ECHDC3: variants seen among roughly 807,000 people sequenced by gnomAD.
ECHDC3 encodes enoyl-CoA hydratase domain containing 3.
Under a neutral mutation model 17.9 loss-of-function variants are expected in ECHDC3, and 20 were observed. The observed-to-expected ratio is 1.12, with a 90% CI of 0.79 to 1.63. The LOEUF is 1.63. ECHDC3 is among the 40% of genes most tolerant of loss of function. The probability of loss-of-function intolerance (pLI) is 0.00; values close to 1 mark genes in which losing one functional copy is unlikely to be tolerated. For synonymous variants in ECHDC3, 177 were observed against 149.7 expected (o/e 1.18, Z -1.33); for missense variants, 407 against 357.7 (o/e 1.14, Z -1.11).
At chr10:11,749,362 C>T (rs1239723120) in intron 2 of ECHDC3, 133 bp from the exon 3 acceptor site, 16 of 750,064 alleles carry the variant, frequency 2.1e-5, no homozygotes, top group Non-Finnish European at 2.9e-5. Context: ...TTATTCTTCT[C>T]AAAATTAGGC....
At chr10:11,759,854 T>C (rs1832927855) in intron 4 of ECHDC3, among the ~76,000 whole-genome samples, 1 of 152,238 alleles carries the variant, frequency 6.6e-6, no homozygotes, top group Non-Finnish European at 1.5e-5. Context: ...AGGACTGTTA[T>C]TATACGAGCC....
At chr10:11,759,824 T>G (rs1044226659) in intron 4 of ECHDC3, among the ~76,000 whole-genome samples, 1 of 152,246 alleles carries the variant, frequency 6.6e-6, no homozygotes, top group African/African-American at 2.4e-5. Flanking sequence ...TTGCATTCAC[T>G]GGGTGCCTAC....
intron 3 of ECHDC3, among the ~76,000 whole-genome samples, chr10:11,752,745 A>G (rs1832840544): frequency 6.6e-6 from 1 of 152,144 alleles, no homozygotes; most frequent in African/African-American, 2.4e-5. Context: ...TATCATGTCC[A>G]TTTTACAGAT....
chr10:11,758,001 T>A (rs778904287), intron 4 of ECHDC3, among the ~76,000 whole-genome samples: 1 of 152,010 alleles, frequency 6.6e-6, no homozygotes, highest in Non-Finnish European at 1.5e-5. Flanking sequence ...GTGTCCCTCA[T>A]ACACCCACAG....
At chr10:11,745,093 A>G (rs1886385) in intron 1 of ECHDC3, among the ~76,000 whole-genome samples, 141,990 of 152,210 alleles carry the variant, frequency 0.93, 67,073 homozygotes, top group East Asian at 1. Flanking sequence ...GGGAGTGATC[A>G]AGATGGCCAG....
chr10:11,745,252 G>C (rs1832746806), intron 1 of ECHDC3, among the ~76,000 whole-genome samples: 1 of 152,196 alleles, frequency 6.6e-6, no homozygotes, highest in Non-Finnish European at 1.5e-5. Context: ...CAGGACACAT[G>C]AACAGATTCC....
At chr10:11,762,926 C>T (rs1005619752) in intron 4 of ECHDC3, among the ~76,000 whole-genome samples, 2 of 152,024 alleles carry the variant, frequency 1.3e-5, no homozygotes, top group African/African-American at 4.8e-5. Flanking sequence ...TGGCTGCCGT[C>T]CTGTGCTTGG....
At chr10:11,761,602 C>T (rs980680785) in intron 4 of ECHDC3, among the ~76,000 whole-genome samples, 1 of 152,270 alleles carries the variant, frequency 6.6e-6, no homozygotes, top group Non-Finnish European at 1.5e-5. Flanking sequence ...CATCTGAAGG[C>T]TGCTTGCTCA....
intron 4 of ECHDC3, 77 bp downstream of exon 4, chr10:11,755,685 A>G: frequency 7.4e-7 from 1 of 1,354,472 alleles, no homozygotes; most frequent in East Asian, 2.5e-5. Context: ...CGATGATTCA[A>G]GATCCGCTTG....
intron 3 of ECHDC3, among the ~76,000 whole-genome samples, chr10:11,751,255 G>T (rs779549022): frequency 8.5e-5 from 13 of 152,134 alleles, no homozygotes; most frequent in Non-Finnish European, 1.6e-4. Flanking sequence ...ATAGCCATGG[G>T]CCACAGGGGA....
At position 11,742,705 on chromosome 10, in the gene ECHDC3, G is replaced by A. The variant is rs898685781; in HGVS notation, c.129G>A (p.Ser43=). 1.6e-6 allele frequency: 2 copies of A among 1,239,670 alleles called. No homozygotes were observed. The highest frequency in any genetic ancestry group is 4.3e-5 in the Admixed American group (1 of 23,446). 76.8% of individuals were successfully genotyped at this position (1,239,670 alleles called of 1,614,324 possible). ...CGGCCGGGGCGGGGCGGCGGGAGTC[G>A]GAGCCGCGGCCCACCAGCGCGCGGC... The part of the protein sequence containing the change: ...RDPAGAGRRE[S]EPRPTSARQL... Residue 43 remains serine, a synonymous_variant, in exon 1 of 5, where the codon TCG becomes TCA. Transcript: ENST00000379215.
chr10:11,748,990 T>TA (rs1424935611), intron 2 of ECHDC3, among the ~76,000 whole-genome samples: 1 of 152,244 alleles, frequency 6.6e-6, no homozygotes, highest in East Asian at 1.9e-4. Flanking sequence ...AGCCACATCT[T>TA]ATGATCCCTC....
chr10:11,761,637 C>G (rs936340607), intron 4 of ECHDC3, among the ~76,000 whole-genome samples: 1 of 152,234 alleles, frequency 6.6e-6, no homozygotes, highest in Non-Finnish European at 1.5e-5. Flanking sequence ...AATGCTACCT[C>G]TCAGCTGGGC....
At chr10:11,762,742 A>G (rs1832968682) in intron 4 of ECHDC3, among the ~76,000 whole-genome samples, 1 of 152,176 alleles carries the variant, frequency 6.6e-6, no homozygotes, top group Non-Finnish European at 1.5e-5. Flanking sequence ...CATTGTCTGT[A>G]AATCCTTGCC....
chr10:11,754,878 C>T (rs967382679), intron 3 of ECHDC3, among the ~76,000 whole-genome samples: 3 of 152,212 alleles, frequency 2.0e-5, no homozygotes, highest in African/African-American at 7.2e-5. Flanking sequence ...CCCCATGGGG[C>T]TCTCAGAAAG....
chr10:11,749,746 GCAA>G, intron 3 of ECHDC3, among the ~76,000 whole-genome samples, 154 bp downstream of exon 3: 5 of 1,720 alleles, frequency 2.9e-3, no homozygotes, highest in Admixed American at 0.05. Flanking sequence ...CTTTATCCCA[GCAA>G]TCCAGCAATT....
intron 3 of ECHDC3, among the ~76,000 whole-genome samples, chr10:11,751,395 T>C (rs1310547044): frequency 1.3e-5 from 2 of 152,210 alleles, no homozygotes; most frequent in African/African-American, 4.8e-5. Flanking sequence ...GGACTGAAAG[T>C]GTATTGATAT....
intron 1 of ECHDC3, among the ~76,000 whole-genome samples, chr10:11,745,356 G>A (rs1291033948): frequency 6.6e-6 from 1 of 152,144 alleles, no homozygotes; most frequent in Non-Finnish European, 1.5e-5. Context: ...CGATGGGATG[G>A]CAGCTTTTTA....
Position 11,760,228 on chromosome 10 carries a change from G to A in ECHDC3, c.592-2996G>A, listed in dbSNP as rs953582782. 7.2e-5 allele frequency among the ~76,000 whole-genome samples: 11 copies of A among 152,194 alleles called. No homozygotes were observed. The South Asian group carries it at 8.3e-4, about 11-fold the overall frequency. ...ATTTGTACCCGAGCGTGCTGGCTGCGGAAGTGAGAGGTGAGAAATGGCTTG... is the reference window on the plus strand; with the variant it reads ...ATTTGTACCCGAGCGTGCTGGCTGCAGAAGTGAGAGGTGAGAAATGGCTTG... On this transcript the variant is annotated intron_variant, in intron 4 of 4. Transcript: ENST00000379215.
Sources: allele counts gnomAD v4.1 joint callset (sites outside exome capture counted in the v4.1 genomes callset), GRCh38; gene constraint gnomAD v4.1.1; transcripts MANE v1.5; gene names NCBI Gene and HGNC (gene_info 2026-07-23, HGNC 2026-07-21).